Variants in TENM4 observed in about 807,000 individuals in gnomAD.
TENM4 encodes the protein teneurin-4.
In TENM4, 82 loss-of-function variants were observed where a neutral mutation model predicts 243.3. The ratio of observed to expected loss-of-function variants is 0.34; its 90% confidence interval spans 0.28 to 0.40. The LOEUF is 0.40. Among genes scored for constraint, TENM4 ranks in the 10% least tolerant of loss-of-function variants. The pLI is 1.00. For missense variants in TENM4, 3,138 were observed against 3,673.3 expected, an observed-to-expected ratio of 0.85 and a Z score of 3.77; for synonymous variants, 1,412 against 1,456.3, an observed-to-expected ratio of 0.97 and a Z score of 0.69.
At chr11:79,042,207 A>G (rs193077033) in intron 6 of TENM4, among the ~76,000 whole-genome samples, 191 of 152,236 alleles carry the variant, frequency 1.3e-3, no homozygotes, top group African/African-American at 4.4e-3. Context: ...AGACACCTGG[A>G]TTTAGAGGTT....
At chr11:79,128,802 A>C (rs927513330) in intron 4 of TENM4, among the ~76,000 whole-genome samples, 3 of 152,216 alleles carry the variant, frequency 2.0e-5, no homozygotes, top group African/African-American at 7.2e-5. Flanking sequence ...TATATGATTC[A>C]TGGGGTGTAG....
chr11:79,124,774 C>T (rs200211906), intron 4 of TENM4, among the ~76,000 whole-genome samples: 10 of 101,158 alleles, frequency 9.9e-5, no homozygotes, highest in African/African-American at 1.4e-4. Flanking sequence ...TATATATATA[C>T]ACATATATAT....
intron 6 of TENM4, among the ~76,000 whole-genome samples, chr11:78,961,982 CG>C (rs1359732870): frequency 9.2e-5 from 14 of 152,262 alleles, no homozygotes; most frequent in Non-Finnish European, 1.3e-4. Flanking sequence ...GGGGCAAGAG[CG>C]GGGCTGCCTG....
rs770385105 is a variant in TENM4 at position 78,976,259 on chromosome 11, A to G, written c.494-72736T>C. ...CTACAGCTAAAGCTCCTTCCATAGCATCTTAGAGTGACAGTCAGGGATTCG... is the reference window on the plus strand; with the variant it reads ...CTACAGCTAAAGCTCCTTCCATAGCGTCTTAGAGTGACAGTCAGGGATTCG... On this transcript the variant is annotated intron_variant, in intron 6 of 33. Transcript: ENST00000278550. Among the ~76,000 whole-genome samples the G allele has an allele frequency of 1.4e-4, 21 of 152,314 alleles. 1 individual carries two copies. The Middle Eastern group carries it at 0.014, about 99-fold the overall frequency.
At chr11:78,966,261 A>G (rs1178247367) in intron 6 of TENM4, among the ~76,000 whole-genome samples, 1 of 152,208 alleles carries the variant, frequency 6.6e-6, no homozygotes, top group Non-Finnish European at 1.5e-5. Flanking sequence ...GGATGAAAGA[A>G]ATTAAAATTA....
intron 2 of TENM4, among the ~76,000 whole-genome samples, chr11:79,228,389 A>G (rs1231983409): frequency 6.6e-6 from 1 of 152,208 alleles, no homozygotes; most frequent in East Asian, 1.9e-4. Context: ...TGAAAGGACC[A>G]CCAGGTGCAG....
chr11:78,740,273 G>A (rs1855889949), intron 19 of TENM4, among the ~76,000 whole-genome samples: 1 of 152,114 alleles, frequency 6.6e-6, no homozygotes. Flanking sequence ...ATTAACACCA[G>A]GCTTGTGAAG....
At chr11:78,853,254 T>A (rs2136201298) in intron 12 of TENM4, among the ~76,000 whole-genome samples, 1 of 152,358 alleles carries the variant, frequency 6.6e-6, no homozygotes, top group Non-Finnish European at 1.5e-5. Flanking sequence ...ATCTCCAGAC[T>A]ATGTCATAGT....
chr11:79,002,890 T>C (rs1245686741), intron 6 of TENM4, among the ~76,000 whole-genome samples: 1 of 152,182 alleles, frequency 6.6e-6, no homozygotes, highest in Non-Finnish European at 1.5e-5. Flanking sequence ...CCAAGGATTC[T>C]AAGGAATACA....
intron 4 of TENM4, among the ~76,000 whole-genome samples, chr11:79,143,199 T>A (rs575954140): frequency 3.4e-4 from 52 of 152,274 alleles, no homozygotes; most frequent in African/African-American, 1.4e-4. Context: ...GGATTATAAA[T>A]CATGCTACTA....
chr11:79,352,992 T>G (rs952382289), intron 1 of TENM4, among the ~76,000 whole-genome samples: 2 of 152,034 alleles, frequency 1.3e-5, no homozygotes, highest in Non-Finnish European at 2.9e-5. Context: ...GGCAGACGGA[T>G]ACCCTCATTG....
chr11:78,851,863 A>G (rs2136197914), intron 12 of TENM4, among the ~76,000 whole-genome samples: 1 of 152,318 alleles, frequency 6.6e-6, no homozygotes. Flanking sequence ...AAATACCAGA[A>G]TCCTGAAAAA....
chr11:79,253,105 A>G (rs1374815941), intron 2 of TENM4, among the ~76,000 whole-genome samples: 2 of 152,212 alleles, frequency 1.3e-5, no homozygotes, highest in Non-Finnish European at 2.9e-5. Context: ...AAACTCAACA[A>G]CTAAGGCTTA....
intron 2 of TENM4, among the ~76,000 whole-genome samples, chr11:79,249,672 T>A (rs1027506768): frequency 6.6e-6 from 1 of 152,226 alleles, no homozygotes; most frequent in African/African-American, 2.4e-5. Flanking sequence ...CTATACACAA[T>A]GTTAATAAGC....
chr11:78,911,873 C>A (rs1214511911), intron 6 of TENM4, among the ~76,000 whole-genome samples: 1 of 152,216 alleles, frequency 6.6e-6, no homozygotes. Flanking sequence ...GAACAAGACA[C>A]TTCTTTTCCC....
intron 6 of TENM4, among the ~76,000 whole-genome samples, chr11:79,002,777 C>T (rs1858366587): frequency 6.6e-6 from 1 of 152,094 alleles, no homozygotes; most frequent in Non-Finnish European, 1.5e-5. Context: ...GCACTAGTTC[C>T]CCAGCAATGA....
At chr11:78,815,660 G>A (rs1321539111) in intron 12 of TENM4, among the ~76,000 whole-genome samples, 1 of 152,250 alleles carries the variant, frequency 6.6e-6, no homozygotes, top group African/African-American at 2.4e-5. Flanking sequence ...AATGCTGGAT[G>A]TGGAATGAGG....
Position 78,756,510 on chromosome 11 carries a change from C to A in TENM4, c.2756+295G>T, listed in dbSNP as rs117314662. On this transcript the variant is annotated intron_variant, in intron 19 of 33. Transcript: ENST00000278550. ...CCACAGGATCAGTAAGAGCTGACTG[C>A]AAAGTGGGTATTGATCCAAGATTCC... is the stretch of plus-strand genomic sequence containing the variant. The A allele has an allele frequency of 1.9e-3, 733 of 384,458 alleles. 1 individual carries two copies. The highest frequency in any genetic ancestry group is 6.5e-3 in the African/African-American group (318 of 48,596). The allele number at this position is 384,458 out of a possible 1,614,324, so 23.8% of individuals were successfully genotyped here.
chr11:79,139,759 A>T (rs1205054517), intron 4 of TENM4, among the ~76,000 whole-genome samples: 1 of 39,156 alleles, frequency 2.6e-5, no homozygotes, highest in Non-Finnish European at 6.2e-5. Flanking sequence ...AATATATATT[A>T]TATTTATATA....
Sources: allele counts gnomAD v4.1 joint callset (sites outside exome capture counted in the v4.1 genomes callset), GRCh38; gene constraint gnomAD v4.1.1; transcripts MANE v1.5; gene names NCBI Gene and HGNC (gene_info 2026-07-23, HGNC 2026-07-21).